The following ANK3 variants were observed in gnomAD, a reference collection of about 807,000 sequenced individuals.
ANK3 encodes ankyrin 3.
ANK3 carries 57 observed loss-of-function variants against 370.9 expected under a neutral mutation model. The ratio of observed to expected loss-of-function variants is 0.15; its 90% CI spans 0.12 to 0.19. The LOEUF is 0.19. Among genes scored for constraint, ANK3 ranks in the 10% least tolerant of loss-of-function variants. The pLI, the probability that ANK3 is intolerant of heterozygous loss-of-function variation, is 1.00. For missense variants in ANK3, 4,439 were observed against 5,302.1 expected, an observed-to-expected ratio of 0.84 and a Z score of 5.06; for synonymous variants, 1,929 against 1,946.3, an observed-to-expected ratio of 0.99 and a Z score of 0.23.
intron 2 of ANK3, among the ~76,000 whole-genome samples, chr10:60,605,243 T>C (rs2078113223): frequency 6.6e-6 from 1 of 151,958 alleles, no homozygotes; most frequent in Non-Finnish European, 1.5e-5. Flanking sequence ...GGGAAACACA[T>C]AAATGACACA....
intron 2 of ANK3, among the ~76,000 whole-genome samples, chr10:60,442,839 T>TA (rs918287212): frequency 6.6e-6 from 1 of 152,148 alleles, no homozygotes; most frequent in Non-Finnish European, 1.5e-5. Context: ...ATTTGACAGA[T>TA]AAAAAAATTA....
chr10:60,226,050 T>C (rs1311344479), intron 8 of ANK3, among the ~76,000 whole-genome samples: 2 of 142,862 alleles, frequency 1.4e-5, no homozygotes, highest in Admixed American at 7.3e-5. Flanking sequence ...TAATAGAGAG[T>C]GTATATAGTA....
chr10:60,103,795 T>C (rs1247409424), intron 28 of ANK3, among the ~76,000 whole-genome samples: 2 of 152,168 alleles, frequency 1.3e-5, no homozygotes, highest in African/African-American at 4.8e-5. Context: ...GTTTATCTGG[T>C]CTTTAAAAAT....
intron 1 of ANK3, among the ~76,000 whole-genome samples, chr10:60,689,901 A>C (rs2079326589): frequency 6.6e-6 from 1 of 152,198 alleles, no homozygotes; most frequent in Admixed American, 6.5e-5. Flanking sequence ...CAGTTATATG[A>C]TGTTTGAAAC....
At chr10:60,393,926 G>T (rs1041403927), upstream of ANK3, among the ~76,000 whole-genome samples, 3 of 151,876 alleles carry the variant, frequency 2.0e-5, no homozygotes, top group African/African-American at 7.3e-5. Flanking sequence ...ATGGAAGTAA[G>T]AAAGAAACTA....
intron 1 of ANK3, among the ~76,000 whole-genome samples, chr10:60,620,356 C>T (rs2078319089): frequency 6.6e-6 from 1 of 152,070 alleles, no homozygotes; most frequent in African/African-American, 2.4e-5. Context: ...GCAGTTAATC[C>T]TTGTATCTGT....
At chr10:60,218,097 C>CTTTTTTTT (rs199989242) in intron 8 of ANK3, among the ~76,000 whole-genome samples, 12 of 126,140 alleles carry the variant, frequency 9.5e-5, no homozygotes, top group African/African-American at 3.5e-4. Context: ...CTTTTTCTTT[C>CTTTTTTTT]TTTTTTTTTT....
At chr10:60,120,574 G>T (rs895187151) in intron 25 of ANK3, among the ~76,000 whole-genome samples, 5 of 151,880 alleles carry the variant, frequency 3.3e-5, no homozygotes, top group Admixed American at 3.3e-4. Flanking sequence ...CATCTGACAA[G>T]GGATTAATAA....
intron 30 of ANK3, among the ~76,000 whole-genome samples, chr10:60,085,610 C>CTTTTTTTTTTTTTT (rs10601268): frequency 9.1e-6 from 1 of 109,922 alleles, no homozygotes; most frequent in Non-Finnish European, 1.8e-5. Flanking sequence ...GTCTCTTACT[C>CTTTTTTTTTTTTTT]TTTTTTTTTT....
intron 2 of ANK3, among the ~76,000 whole-genome samples, chr10:60,563,465 A>G (rs1000949079): frequency 6.6e-6 from 1 of 152,208 alleles, no homozygotes; most frequent in Non-Finnish European, 1.5e-5. Flanking sequence ...TTTTCATCTT[A>G]GAAAGGTATG....
At chr10:60,477,648 C>T (rs1294368696) in intron 2 of ANK3, among the ~76,000 whole-genome samples, 1 of 151,630 alleles carries the variant, frequency 6.6e-6, no homozygotes, top group Non-Finnish European at 1.5e-5. Context: ...ATGTTAGCTC[C>T]AGTTTGGTCA....
At chr10:60,540,196 A>G (rs563821306) in intron 2 of ANK3, among the ~76,000 whole-genome samples, 1 of 151,966 alleles carries the variant, frequency 6.6e-6, no homozygotes, top group African/African-American at 2.4e-5. Context: ...ATCTTGTTAA[A>G]TGCTTGATGG....
intron 1 of ANK3, among the ~76,000 whole-genome samples, chr10:60,690,711 A>G (rs1242103656): frequency 1.3e-5 from 2 of 152,162 alleles, no homozygotes; most frequent in Non-Finnish European, 2.9e-5. Flanking sequence ...AATAACCAAA[A>G]AATAGTTAAT....
At chr10:60,163,594 C>T (rs1166130586) in intron 23 of ANK3, among the ~76,000 whole-genome samples, 5 of 150,826 alleles carry the variant, frequency 3.3e-5, no homozygotes, top group South Asian at 2.1e-4. Context: ...AAAGAGAAGA[C>T]GATAAGGAGA....
At chr10:60,680,136 G>C (rs1467564619) in intron 1 of ANK3, among the ~76,000 whole-genome samples, 1 of 35,024 alleles carries the variant, frequency 2.9e-5, no homozygotes, top group Non-Finnish European at 6.9e-5. Context: ...CTCTGTCTCG[G>C]GAAAAAAAAA....
intron 2 of ANK3, among the ~76,000 whole-genome samples, chr10:60,440,122 G>C (rs755027633): frequency 6.6e-6 from 1 of 152,036 alleles, no homozygotes; most frequent in South Asian, 2.1e-4. Flanking sequence ...CAAAAAATCA[G>C]AGTAAGAGTA....
In ANK3 at chr10:60,086,698, G is replaced by A. The variant is rs1589784865; in HGVS notation, c.3727C>T (p.Arg1243Cys). The change falls in exon 30 of 44, where the codon CGT becomes TGT. Residue 1243 changes from arginine to cysteine, a missense_variant. Arg to Cys is a radical substitution (Grantham distance 180). Coordinates refer to ENST00000280772, the MANE Select transcript of ANK3 (RefSeq NM_020987.5). ...GYKGDTTPNLRLLCSITGGTS... is the reference protein window; with the variant it reads ...GYKGDTTPNLCLLCSITGGTS... ...AAACCTGTAATGCTACAGAGAAGACGCAGATTGGGTGTAGTGTCCCCTTTG... is the reference window on the plus strand; with the variant it reads ...AAACCTGTAATGCTACAGAGAAGACACAGATTGGGTGTAGTGTCCCCTTTG... 8 of 1,613,672 alleles carry A rather than the reference G, an allele frequency of 5.0e-6. No homozygotes were observed. The highest frequency in any genetic ancestry group is 1.6e-4 in the Middle Eastern group (1 of 6,082).
At chr10:60,500,309 T>A (rs2075764951) in intron 2 of ANK3, among the ~76,000 whole-genome samples, 1 of 152,172 alleles carries the variant, frequency 6.6e-6, no homozygotes, top group South Asian at 2.1e-4. Context: ...GGGTAACACT[T>A]TAAGCAACTG....
At chr10:60,263,772 C>A in intron 6 of ANK3, 63 bp downstream of exon 6, 2 of 1,595,858 alleles carry the variant, frequency 1.3e-6, no homozygotes, top group Non-Finnish European at 8.6e-7. Context: ...ACCGGGTGCT[C>A]TTAAAGGTTG....
Sources: gnomAD v4.1 joint callset for allele counts (sites outside exome capture counted in the v4.1 genomes callset) on GRCh38, gnomAD v4.1.1 for gene constraint, MANE v1.5 for transcripts, NCBI Gene and HGNC (gene_info 2026-07-23, HGNC 2026-07-21) for gene names.